ITGB6: variants seen among roughly 807,000 people sequenced by gnomAD.
The protein encoded by ITGB6 is integrin subunit beta 6, also known as integrin beta-6.
ITGB6 carries 80 observed loss-of-function variants against 84.5 expected under a neutral mutation model. The observed-to-expected ratio is 0.95, with a 90% CI of 0.79 to 1.14. ITGB6 has a LOEUF of 1.14. Ranked by LOEUF, ITGB6 falls within the 50% of genes most tolerant of loss-of-function variation. The pLI, the probability that ITGB6 is intolerant of heterozygous loss-of-function variation, is 0.00. For synonymous variants in ITGB6, 383 were observed against 354.9 expected (o/e 1.08, Z -0.89); for missense variants, 1,006 against 968.0 (o/e 1.04, Z -0.52).
At chr2:160,181,278 C>T (rs546873698) in intron 4 of ITGB6, among the ~76,000 whole-genome samples, 1 of 152,268 alleles carries the variant, frequency 6.6e-6, no homozygotes, top group South Asian at 2.1e-4. Flanking sequence ...CTGAAGTCGA[C>T]CTGGGACACT....
At chr2:160,121,328 C>T (rs1395729873) in intron 12 of ITGB6, among the ~76,000 whole-genome samples, 1 of 152,194 alleles carries the variant, frequency 6.6e-6, no homozygotes, top group African/African-American at 2.4e-5. Flanking sequence ...TGTATAACAA[C>T]TCTCAGAAGT....
intron 10 of ITGB6, among the ~76,000 whole-genome samples, chr2:160,135,700 A>G (rs1405460575): frequency 6.6e-6 from 1 of 151,820 alleles, no homozygotes; most frequent in Non-Finnish European, 1.5e-5. Context: ...TGGTACCAAA[A>G]CAGAGATATA....
Position 160,117,972 on chromosome 2 carries a change from T to G in ITGB6, c.1982-5773A>C, listed in dbSNP as rs192771706. Among the ~76,000 whole-genome samples the G allele has an allele frequency of 1.8e-3, 281 of 152,212 alleles. 3 individuals are homozygous for G. The highest frequency in any genetic ancestry group is 1.9e-4 in the Non-Finnish European group (13 of 68,016). On this transcript the variant is annotated intron_variant, in intron 12 of 14. Coordinates refer to ENST00000283249, the MANE Select transcript of ITGB6 (RefSeq NM_000888.5). ...CTCCCAAGACTAAACCAGGAAGAAGTTGAATCTCTGAATAGACCAATACAG... is the reference window on the plus strand; with the variant it reads ...CTCCCAAGACTAAACCAGGAAGAAGGTGAATCTCTGAATAGACCAATACAG...
Position 160,107,821 on chromosome 2 carries a change from G to C in ITGB6, c.2126C>G (p.Pro709Arg). The change falls in exon 14 of 15, where the codon CCC becomes CGC. Residue 709 changes from proline (P) to arginine (R), a missense_variant. Coordinates refer to ENST00000283249, the MANE Select transcript of ITGB6 (RefSeq NM_000888.5). ...CAGGGAAACCCCTAACATGATCATG[G>C]GAATGTTTGGAGGCTTCGGACAATC... The part of the protein sequence containing the change: ...EKDCPKPPNI[P>R]MIMLGVSLAI... 6.2e-7 allele frequency: 1 copy of C among 1,611,662 alleles called. No homozygotes were observed. Among genetic ancestry groups the C allele is most frequent in the South Asian group, 1.1e-5 (1 of 90,742 alleles).
intron 7 of ITGB6, among the ~76,000 whole-genome samples, chr2:160,162,918 C>T (rs780217814): frequency 9.9e-5 from 15 of 152,154 alleles, no homozygotes; most frequent in Non-Finnish European, 1.6e-4. Flanking sequence ...TGCACCCGGC[C>T]GAGTGTTTAT....
intron 7 of ITGB6, among the ~76,000 whole-genome samples, chr2:160,146,074 T>TA (rs1212509665): frequency 1.3e-5 from 2 of 152,178 alleles, no homozygotes; most frequent in African/African-American, 4.8e-5. Context: ...CAGAGCTCAG[T>TA]AGCCCTCATT....
chr2:160,193,826 C>T (rs929928575), intron 4 of ITGB6, among the ~76,000 whole-genome samples: 3 of 152,146 alleles, frequency 2.0e-5, no homozygotes, highest in Non-Finnish European at 4.4e-5. Flanking sequence ...CCATACTACC[C>T]CTGAATGGCC....
chr2:160,182,368 T>C (rs915966785), intron 4 of ITGB6, among the ~76,000 whole-genome samples: 1 of 152,032 alleles, frequency 6.6e-6, no homozygotes, highest in African/African-American at 2.4e-5. Flanking sequence ...AATATCTGAA[T>C]CAATCAAGGG....
intron 10 of ITGB6, among the ~76,000 whole-genome samples, chr2:160,133,530 G>A (rs1330468058): frequency 6.6e-6 from 1 of 152,136 alleles, no homozygotes; most frequent in Non-Finnish European, 1.5e-5. Context: ...TCCAGGAATT[G>A]AACTCAGCTC....
At chr2:160,135,529 T>C (rs1231118246) in intron 10 of ITGB6, among the ~76,000 whole-genome samples, 1 of 151,998 alleles carries the variant, frequency 6.6e-6, no homozygotes, top group East Asian at 1.9e-4. Flanking sequence ...CCAATGACTT[T>C]CTTCACAGAA....
chr2:160,128,581 A>G (rs1280154865), intron 10 of ITGB6, among the ~76,000 whole-genome samples: 4 of 152,206 alleles, frequency 2.6e-5, no homozygotes. Context: ...GGCGGTGCCC[A>G]TGGGAGCAGC....
chr2:160,188,133 C>T (rs1251015550), intron 4 of ITGB6, among the ~76,000 whole-genome samples: 3 of 152,116 alleles, frequency 2.0e-5, no homozygotes, highest in African/African-American at 7.2e-5. Flanking sequence ...GATTGTAACC[C>T]AGGTCTGAAA....
chr2:160,138,241 A>G (rs762640552), intron 8 of ITGB6, 42 bp from the exon 9 acceptor site: 6 of 1,531,808 alleles, frequency 3.9e-6, no homozygotes, highest in Non-Finnish European at 4.4e-6. Context: ...TCACAACCCC[A>G]AAAATATAGC....
chr2:160,109,270 T>C (rs6747699), intron 13 of ITGB6, among the ~76,000 whole-genome samples: 18,749 of 152,224 alleles, frequency 0.12, 1,696 homozygotes, highest in East Asian at 0.3. Context: ...TAGCTATTAC[T>C]GTATGAAGAT....
intron 1 of ITGB6, 76 bp downstream of exon 1, chr2:160,199,927 G>C: frequency 9.0e-7 from 1 of 1,110,226 alleles, no homozygotes; most frequent in South Asian, 1.3e-5. Context: ...CATGACTTCA[G>C]ATCTAGTTTC....
At chr2:160,158,926 C>A (rs906640614) in intron 7 of ITGB6, among the ~76,000 whole-genome samples, 2 of 152,018 alleles carry the variant, frequency 1.3e-5, no homozygotes, top group East Asian at 3.9e-4. Flanking sequence ...TGGTGAAACC[C>A]CGTCTCTAAT....
intron 14 of ITGB6, 74 bp downstream of exon 14, chr2:160,107,605 A>C: frequency 2.2e-6 from 3 of 1,367,696 alleles, no homozygotes; most frequent in Non-Finnish European, 3.1e-6. Context: ...GAGCAGAAGA[A>C]AGCTGAGCCC....
intron 7 of ITGB6, among the ~76,000 whole-genome samples, chr2:160,158,960 G>T (rs994247649): frequency 1.3e-5 from 2 of 152,092 alleles, no homozygotes; most frequent in African/African-American, 4.8e-5. Flanking sequence ...TTAACTGGGT[G>T]TGGTGGTGTG....
chr2:160,119,198 G>A lies in ITGB6; in HGVS notation c.1981+4593C>T, dbSNP rs150252865. On this transcript the variant is annotated intron_variant, in intron 12 of 14. Transcript: ENST00000283249. ...TTCATATGGAACCAAAAAAGAGCCC[G>A]CGTCACCAAGTCAATCCTAAGCCAA... Among the ~76,000 whole-genome samples, 989 of 152,156 alleles carry A rather than the reference G, an allele frequency of 6.5e-3. 12 individuals carry two copies. Among genetic ancestry groups the A allele is most frequent in the African/African-American group, 0.022 (906 of 41,490 alleles).
Sources: gnomAD v4.1 joint callset for allele counts (sites outside exome capture counted in the v4.1 genomes callset) on GRCh38, gnomAD v4.1.1 for gene constraint, MANE v1.5 for transcripts, NCBI Gene and HGNC (gene_info 2026-07-23, HGNC 2026-07-21) for gene names.